UGT1A7: variants seen among roughly 807,000 people sequenced by gnomAD.
UGT1A7 encodes UDP-glucuronosyltransferase 1A7.
A neutral mutation model predicts 45.6 loss-of-function variants in UGT1A7; 33 were observed. The ratio of observed to expected loss-of-function variants is 0.72; its 90% confidence interval spans 0.55 to 0.97. UGT1A7 has a LOEUF of 0.97. Ranked by LOEUF, UGT1A7 falls within the 50% of genes least tolerant of loss-of-function variation. UGT1A7 has a pLI of 0.00. For missense variants in UGT1A7, 684 were observed against 666.2 expected (o/e 1.03, Z -0.29); for synonymous variants, 274 against 250.6 (o/e 1.09, Z -0.88).
intron 1 of UGT1A7, among the ~76,000 whole-genome samples, chr2:233,740,447 G>A (rs1691391497): frequency 6.6e-6 from 1 of 151,994 alleles, no homozygotes; most frequent in African/African-American, 2.4e-5. Context: ...GGAATCAGAG[G>A]AGAAGAAGAT....
intron 1 of UGT1A7, among the ~76,000 whole-genome samples, chr2:233,736,967 T>A (rs2078831080): frequency 6.6e-6 from 1 of 151,890 alleles, no homozygotes; most frequent in African/African-American, 2.4e-5. Context: ...TACTGGGAGG[T>A]GTTTCCCAGT....
In UGT1A7 at chr2:233,772,448, C is replaced by A; in HGVS notation, c.1482C>A (p.Ala494=). ...TGGACGTGATTGGTTTCCTCTTGGC[C>A]GTCGTGCTGACAGTGGCCTTCATCA... The part of the protein sequence containing the change: ...HSLDVIGFLL[A]VVLTVAFITF... Residue 494 remains alanine (A), a synonymous_variant, in exon 5 of 5, where the codon GCC becomes GCA. Coordinates refer to ENST00000373426, the MANE Select transcript of UGT1A7 (RefSeq NM_019077.3). 6.2e-7 allele frequency: 1 copy of A among 1,614,180 alleles called. No individual in the cohort carries two copies. The highest frequency in any genetic ancestry group is 8.5e-7 in the Non-Finnish European group (1 of 1,180,038).
chr2:233,732,689 A>G (rs539580267), intron 1 of UGT1A7, among the ~76,000 whole-genome samples: 1 of 150,444 alleles, frequency 6.6e-6, no homozygotes, highest in African/African-American at 2.4e-5. Context: ...ACCAGCACCC[A>G]TGCTGTTTTG....
intron 1 of UGT1A7, among the ~76,000 whole-genome samples, chr2:233,698,411 G>A (rs1011894202): frequency 6.6e-6 from 1 of 152,042 alleles, no homozygotes; most frequent in African/African-American, 2.4e-5. Context: ...TGACTTCATC[G>A]CAATAAATTA....
chr2:233,727,623 G>T (rs2077633696), intron 1 of UGT1A7, among the ~76,000 whole-genome samples: 1 of 152,148 alleles, frequency 6.6e-6, no homozygotes. Flanking sequence ...AGGCTGAGAG[G>T]TTGCACCCAC....
intron 1 of UGT1A7, among the ~76,000 whole-genome samples, chr2:233,683,627 A>G (rs1205357250): frequency 2.0e-5 from 3 of 152,166 alleles, no homozygotes; most frequent in South Asian, 4.1e-4. Flanking sequence ...TTTTATTTCC[A>G]TAAATAAAAT....
chr2:233,689,977 C>A (rs1005809472), intron 1 of UGT1A7: 7 of 454,132 alleles, frequency 1.5e-5, no homozygotes, highest in Admixed American at 1.2e-4. Flanking sequence ...AACCCACAGG[C>A]CCCTAAAAGG....
chr2:233,747,258 A>T, intron 1 of UGT1A7: 1 of 1,600,094 alleles, frequency 6.2e-7, no homozygotes, highest in Non-Finnish European at 8.5e-7. Context: ...TGGCCACAGG[A>T]GTGCTACTCC....
chr2:233,698,522 A>G (rs1416828415), intron 1 of UGT1A7, among the ~76,000 whole-genome samples: 1 of 152,236 alleles, frequency 6.6e-6, no homozygotes, highest in Non-Finnish European at 1.5e-5. Context: ...TCGGCAATAC[A>G]TAAAGTAAAC....
intron 1 of UGT1A7, among the ~76,000 whole-genome samples, chr2:233,735,108 G>A (rs1171222877): frequency 3.9e-5 from 6 of 152,182 alleles, no homozygotes; most frequent in Non-Finnish European, 8.8e-5. Context: ...AATATCGACA[G>A]TGGGATGTTA....
At chr2:233,724,644 G>A (rs1189293479) in intron 1 of UGT1A7, among the ~76,000 whole-genome samples, 6 of 141,164 alleles carry the variant, frequency 4.3e-5, no homozygotes, top group Non-Finnish European at 7.7e-5. Flanking sequence ...ATGTGATGGC[G>A]GCTGGGAAGA....
intron 1 of UGT1A7, among the ~76,000 whole-genome samples, chr2:233,763,573 C>T (rs1559410117): frequency 1.3e-5 from 2 of 152,188 alleles, no homozygotes; most frequent in African/African-American, 4.8e-5. Flanking sequence ...TTCTTATTTT[C>T]TCTTTCTTCC....
Position 233,772,346 on chromosome 2 carries a change from GT to G in UGT1A7, c.1383del (p.Phe461LeufsTer2), listed in dbSNP as rs773231664. The G allele has an allele frequency of 6.2e-7, 1 of 1,614,250 alleles. No individual in the cohort carries two copies. Among genetic ancestry groups the G allele is most frequent in the South Asian group, 1.1e-5 (1 of 91,090 alleles). ...PLDLAVFWVE[F>X]VMRHKGAPHL... ...TGGACCTGGCCGTGTTCTGGGTGGA[GT>G]TTGTGATGAGGCACAAGGGCGCGCC... On this transcript the variant is annotated frameshift_variant, in exon 5 of 5. Transcript: ENST00000373426. LOFTEE classifies it high-confidence loss of function.
At chr2:233,682,834 T>G in intron 1 of UGT1A7, 42 bp downstream of exon 1, 1 of 1,552,986 alleles carries the variant, frequency 6.4e-7, no homozygotes, top group South Asian at 1.2e-5. Flanking sequence ...TAATCTGGCT[T>G]TGGAAATTAA....
At chr2:233,707,847 T>A (rs2075990854) in intron 1 of UGT1A7, among the ~76,000 whole-genome samples, 1 of 152,212 alleles carries the variant, frequency 6.6e-6, no homozygotes, top group South Asian at 2.1e-4. Context: ...GTAACTATTT[T>A]TCAGAGTGGT....
At chr2:233,714,796 T>C (rs2076413127) in intron 1 of UGT1A7, among the ~76,000 whole-genome samples, 1 of 152,264 alleles carries the variant, frequency 6.6e-6, no homozygotes, top group South Asian at 2.1e-4. Context: ...TTTCAAGTGC[T>C]CAATATTCAT....
chr2:233,742,224 G>A (rs191023728), intron 1 of UGT1A7, among the ~76,000 whole-genome samples: 4 of 152,020 alleles, frequency 2.6e-5, no homozygotes, highest in Non-Finnish European at 5.9e-5. Flanking sequence ...AGGGCTGAGA[G>A]CCCCAAACAG....
At chr2:233,684,775 C>T (rs2074700637) in intron 1 of UGT1A7, among the ~76,000 whole-genome samples, 1 of 151,736 alleles carries the variant, frequency 6.6e-6, no homozygotes, top group Non-Finnish European at 1.5e-5. Flanking sequence ...TAAAGAGTGC[C>T]CTTTGGCAAA....
chr2:233,696,866 G>A, intron 1 of UGT1A7, among the ~76,000 whole-genome samples: 1 of 152,130 alleles, frequency 6.6e-6, no homozygotes, highest in East Asian at 1.9e-4. Context: ...TGTTTTTTCA[G>A]CATCTACAAC....
Sources: gnomAD v4.1 joint callset for allele counts (sites outside exome capture counted in the v4.1 genomes callset) on GRCh38, gnomAD v4.1.1 for gene constraint, MANE v1.5 for transcripts, NCBI Gene and HGNC (gene_info 2026-07-23, HGNC 2026-07-21) for gene names.